Variants in C16orf96 observed in about 807,000 individuals in gnomAD.
C16orf96 encodes chromosome 16 open reading frame 96, also known as uncharacterized protein C16orf96.
In C16orf96, 108 loss-of-function variants were observed where a neutral mutation model predicts 103.6. The ratio of observed to expected loss-of-function variants is 1.04; its 90% CI spans 0.89 to 1.22. The LOEUF (loss-of-function observed/expected upper bound fraction) is 1.22, where lower values mean the gene tolerates loss of function less well. Among genes scored for constraint, C16orf96 ranks in the 50% most tolerant of loss-of-function variants. C16orf96 has a pLI of 0.00. For synonymous variants in C16orf96, 566 were observed against 593.5 expected (o/e 0.95, Z 0.67); for missense variants, 1,586 against 1,464.2 (o/e 1.08, Z -1.36).
At chr16:4,544,779 C>G in the C16orf96 span, among the ~76,000 whole-genome samples, 4 of 152,186 alleles carry the variant, frequency 2.6e-5, no homozygotes, top group Non-Finnish European at 5.9e-5. Flanking sequence ...TTGTTAGCCT[C>G]TGAGTGCTCT....
chr16:4,544,596 C>T, the C16orf96 span, among the ~76,000 whole-genome samples: 1 of 152,236 alleles, frequency 6.6e-6, no homozygotes, highest in East Asian at 1.9e-4. Context: ...GTGACAGAGC[C>T]TGACCCTGTC....
chr16:4,582,138 C>T (rs1307704158), intron 7 of C16orf96, among the ~76,000 whole-genome samples: 4 of 151,876 alleles, frequency 2.6e-5, no homozygotes, highest in Admixed American at 2.0e-4. Context: ...AAAAATTAGC[C>T]GGGCATGGTG....
intron 7 of C16orf96, among the ~76,000 whole-genome samples, chr16:4,583,978 C>T (rs1896854557): frequency 6.8e-6 from 1 of 146,694 alleles, no homozygotes; most frequent in South Asian, 2.2e-4. Flanking sequence ...CTAAGATTTA[C>T]AAGAATTTAG....
chr16:4,594,998 G>A (rs1186080457), intron 14 of C16orf96, among the ~76,000 whole-genome samples, 195 bp downstream of exon 14: 1 of 152,184 alleles, frequency 6.6e-6, no homozygotes, highest in Non-Finnish European at 1.5e-5. Flanking sequence ...GAGACCGCGG[G>A]AGCGAGGATC....
At chr16:4,571,486 C>A in intron 1 of C16orf96, 75 bp from the exon 2 acceptor site, 1 of 1,294,288 alleles carries the variant, frequency 7.7e-7, no homozygotes, top group Non-Finnish European at 1.1e-6. Context: ...CGGCTATCAT[C>A]AGAAAGCTTC....
chr16:4,540,827 G>A, the C16orf96 span, among the ~76,000 whole-genome samples: 1 of 151,566 alleles, frequency 6.6e-6, no homozygotes, highest in Non-Finnish European at 1.5e-5. Flanking sequence ...AGCTCACTGT[G>A]ACAACTCCTA....
Position 4,576,522 on chromosome 16 carries a change from G to A in C16orf96, c.2042G>A (p.Arg681Lys). Residue 681 changes from arginine (R) to lysine (K), a missense_variant, in exon 5 of 16, where the codon AGG (arginine) becomes AAG (lysine). Transcript: ENST00000444310. ...GCCATGAGCCCTGAAGACAAGAAGAGGGCTGTCAAGTATTCCATGAGCCAC... is the reference window on the plus strand; with the variant it reads ...GCCATGAGCCCTGAAGACAAGAAGAAGGCTGTCAAGTATTCCATGAGCCAC... ...KQAMSPEDKKRAVKYSMSHIA... is the reference protein window; with the variant it reads ...KQAMSPEDKKKAVKYSMSHIA... 3.2e-6 allele frequency: 5 copies of A among 1,551,590 alleles called. No homozygotes were observed. Among genetic ancestry groups the A allele is most frequent in the Non-Finnish European group, 3.5e-6 (4 of 1,147,006 alleles).
Position 4,579,007 on chromosome 16 carries a change from C to G in C16orf96, c.2223C>G (p.Leu741=). The change falls in exon 6 of 16, where the codon CTC becomes CTG. Residue 741 remains leucine (L), a synonymous_variant. Transcript: ENST00000444310. The part of the protein sequence containing the change: ...VDILQKKIGS[L]QKSRLKEEEL... Reference sequence around the variant, plus strand: ...TATTGCAGAAAAAGATTGGCAGCCTCCAGAAATCTAGGCTCAAGGTTAGTG... The same window carrying G: ...TATTGCAGAAAAAGATTGGCAGCCTGCAGAAATCTAGGCTCAAGGTTAGTG... 6.4e-7 allele frequency: 1 copy of G among 1,551,470 alleles called. No homozygotes were observed. Among genetic ancestry groups the G allele is most frequent in the East Asian group, 2.4e-5 (1 of 40,910 alleles).
Position 4,556,929 on chromosome 16 carries a change from AC to A in C16orf96, c.420+21del. The A allele has an allele frequency of 6.6e-7, 1 of 1,520,676 alleles. No homozygotes were observed. The highest frequency in any genetic ancestry group is 8.9e-7 in the Non-Finnish European group (1 of 1,128,832). 94.2% of individuals were successfully genotyped at this position (1,520,676 alleles called of 1,614,324 possible). ...GCCAAGGTACGCCCCCAGCCTCCAG[AC>A]ACTTCTTTTCCTCCCTTCACCACTG... is the stretch of plus-strand genomic sequence containing the variant. On this transcript the variant is annotated intron_variant, in intron 1 of 15. Transcript: ENST00000444310.
Position 4,564,434 on chromosome 16 carries a change from A to G in C16orf96, c.421-7127A>G, listed in dbSNP as rs147203158. Reference sequence around the variant, plus strand: ...ACCTATTGTTGCTTTCTTTATTTCTAAACACCCTCCCCATTTTACTCCCTC... The same window carrying G: ...ACCTATTGTTGCTTTCTTTATTTCTGAACACCCTCCCCATTTTACTCCCTC... On this transcript the variant is annotated intron_variant, in intron 1 of 15. Coordinates refer to ENST00000444310, the MANE Select transcript of C16orf96 (RefSeq NM_001145011.2). 1.3e-3 allele frequency among the ~76,000 whole-genome samples: 205 copies of G among 152,260 alleles called. 1 individual carries two copies. Among genetic ancestry groups the G allele is most frequent in the Middle Eastern group, 6.8e-3 (2 of 294 alleles).
chr16:4,554,486 G>A (rs1468634448), upstream of C16orf96, among the ~76,000 whole-genome samples: 1 of 150,574 alleles, frequency 6.6e-6, no homozygotes, highest in African/African-American at 2.4e-5. Context: ...GAGTAGTTGG[G>A]ATTACAGGCA....
At chr16:4,554,160 G>A (rs565453663), upstream of C16orf96, among the ~76,000 whole-genome samples, 5 of 152,162 alleles carry the variant, frequency 3.3e-5, no homozygotes, top group South Asian at 1.0e-3. Flanking sequence ...CAGCCTCCTG[G>A]TCCTGTGGCA....
chr16:4,553,379 T>C (rs1442034162), upstream of C16orf96, among the ~76,000 whole-genome samples: 1 of 152,154 alleles, frequency 6.6e-6, no homozygotes, highest in African/African-American at 2.4e-5. Flanking sequence ...AGGAGCGATT[T>C]GTATTTTGTT....
chr16:4,578,866 G>C, intron 5 of C16orf96, 74 bp from the exon 6 acceptor site: 4 of 1,162,846 alleles, frequency 3.4e-6, no homozygotes, highest in Non-Finnish European at 3.8e-6. Context: ...CTCCATAAGA[G>C]AAGCAGCTAG....
At chr16:4,573,438 CAAAAAA>C (rs71139644) in intron 2 of C16orf96, among the ~76,000 whole-genome samples, 1 of 69,714 alleles carries the variant, frequency 1.4e-5, no homozygotes, top group Non-Finnish European at 2.6e-5. Context: ...GACTCCGTCT[CAAAAAA>C]AAAAAAAAAA....
intron 1 of C16orf96, among the ~76,000 whole-genome samples, chr16:4,570,927 G>C (rs898877257): frequency 1.3e-5 from 2 of 152,154 alleles, no homozygotes; most frequent in Non-Finnish European, 2.9e-5. Flanking sequence ...GTGGCACTTT[G>C]GGAGGATGAC....
At chr16:4,579,099 G>GC (rs2059550301) in intron 6 of C16orf96, 74 bp downstream of exon 6, 2 of 1,330,458 alleles carry the variant, frequency 1.5e-6, no homozygotes, top group Non-Finnish European at 2.1e-6. Flanking sequence ...CCTTGACTCT[G>GC]CCCCCCTCCC....
At chr16:4,599,245 G>A in intron 14 of C16orf96, 39 bp from the exon 15 acceptor site, 1 of 1,535,408 alleles carries the variant, frequency 6.5e-7, no homozygotes, top group African/African-American at 1.4e-5. Context: ...GCCCAGGGGT[G>A]GATGCCACCC....
At chr16:4,597,995 G>A (rs1171487206) in intron 14 of C16orf96, among the ~76,000 whole-genome samples, 1 of 152,086 alleles carries the variant, frequency 6.6e-6, no homozygotes, top group South Asian at 2.1e-4. Context: ...CCTGTCTGTG[G>A]CCAGATCTTG....
Sources: allele counts gnomAD v4.1 joint callset (sites outside exome capture counted in the v4.1 genomes callset), GRCh38; gene constraint gnomAD v4.1.1; transcripts MANE v1.5; gene names NCBI Gene and HGNC (gene_info 2026-07-23, HGNC 2026-07-21).